The following ATP8B4 variants were observed in gnomAD, a reference collection of about 807,000 sequenced individuals.
ATP8B4 encodes the protein ATPase phospholipid transporting 8B4 (putative), also known as probable phospholipid-transporting ATPase IM.
ATP8B4 carries 133 observed loss-of-function variants against 145.6 expected under a neutral mutation model. That is an observed-to-expected ratio of 0.91 (90% confidence interval 0.79 to 1.05). The LOEUF (loss-of-function observed/expected upper bound fraction) is 1.05. Among genes scored for constraint, ATP8B4 ranks in the 50% least tolerant of loss-of-function variants. ATP8B4 has a pLI of 0.00. For synonymous variants in ATP8B4, 507 were observed against 492.9 expected (o/e 1.03, Z -0.38); for missense variants, 1,458 against 1,425.2 (o/e 1.02, Z -0.37).
At chr15:49,987,736 A>G (rs1262550649) in intron 9 of ATP8B4, among the ~76,000 whole-genome samples, 187 bp from the exon 10 acceptor site, 3 of 152,168 alleles carry the variant, frequency 2.0e-5, no homozygotes, top group Non-Finnish European at 1.5e-5. Flanking sequence ...ATTTTGAAAC[A>G]CAGTTTTCTG....
At chr15:50,037,649 G>A (rs933870566) in intron 6 of ATP8B4, among the ~76,000 whole-genome samples, 5 of 152,092 alleles carry the variant, frequency 3.3e-5, no homozygotes, top group East Asian at 1.9e-4. Context: ...ATATTGTGGC[G>A]GCAATGATTC....
At chr15:50,080,836 G>A (rs561375168) in intron 2 of ATP8B4, among the ~76,000 whole-genome samples, 5 of 152,174 alleles carry the variant, frequency 3.3e-5, no homozygotes, top group South Asian at 4.1e-4. Context: ...CTCATGGGCC[G>A]GGCGCAGTGG....
In ATP8B4 at chr15:49,931,178, G is replaced by A; in HGVS notation, c.1583C>T (p.Thr528Ile). 1 of 1,612,528 alleles carries A rather than the reference G, an allele frequency of 6.2e-7. No individual in the cohort carries two copies. Among genetic ancestry groups the A allele is most frequent in the Non-Finnish European group, 8.5e-7 (1 of 1,179,024 alleles). Reference protein sequence around the residue: ...ITIEELGTLVTYQLLAFLDFN... With the variant: ...ITIEELGTLVIYQLLAFLDFN... ...ATCCAAAAAGGCAAGTAATTGATAA[G>A]TAACTAGTGTTCCCAATTCTTCTAT... The change falls in exon 16 of 28, where the codon ACT becomes ATT. Residue 528 changes from threonine (T) to isoleucine (I), a missense_variant. Coordinates refer to ENST00000284509, the MANE Select transcript of ATP8B4 (RefSeq NM_024837.4).
intron 1 of ATP8B4, among the ~76,000 whole-genome samples, chr15:50,161,103 AT>A (rs1278597705): frequency 6.6e-6 from 1 of 151,928 alleles, no homozygotes; most frequent in Non-Finnish European, 1.5e-5. Flanking sequence ...TTCTGAATTG[AT>A]CCCTTTATCT....
At chr15:50,073,631 T>C (rs2053992813) in intron 3 of ATP8B4, among the ~76,000 whole-genome samples, 1 of 152,210 alleles carries the variant, frequency 6.6e-6, no homozygotes, top group African/African-American at 2.4e-5. Flanking sequence ...GGTCAAATAG[T>C]ATTTCTGGTT....
intron 1 of ATP8B4, among the ~76,000 whole-genome samples, chr15:50,108,981 C>CT (rs1249988856): frequency 2.0e-5 from 3 of 152,076 alleles, no homozygotes; most frequent in African/African-American, 2.4e-5. Context: ...AGACACTTTC[C>CT]TTTTAGCAAC....
At chr15:49,967,572 GA>G (rs1247024268) in intron 13 of ATP8B4, among the ~76,000 whole-genome samples, 3 of 152,098 alleles carry the variant, frequency 2.0e-5, no homozygotes, top group Non-Finnish European at 4.4e-5. Context: ...AAAGATTAGA[GA>G]AAAAAGAATG....
intron 20 of ATP8B4, among the ~76,000 whole-genome samples, chr15:49,907,001 C>T (rs906335122): frequency 3.3e-5 from 5 of 152,104 alleles, no homozygotes; most frequent in African/African-American, 1.2e-4. Flanking sequence ...TATAAGAACA[C>T]AAGTCATCTT....
At chr15:49,864,628 G>A (rs933605646) in intron 26 of ATP8B4, among the ~76,000 whole-genome samples, 3 of 152,096 alleles carry the variant, frequency 2.0e-5, no homozygotes, top group Non-Finnish European at 2.9e-5. Context: ...ATAGACCAGA[G>A]GTATACTCTT....
intron 1 of ATP8B4, among the ~76,000 whole-genome samples, chr15:50,116,580 T>C (rs2057165913): frequency 6.6e-6 from 1 of 152,050 alleles, no homozygotes. Context: ...CAAGGGGGAA[T>C]GAATGACCTC....
chr15:50,124,617 A>C (rs1288022827), intron 1 of ATP8B4, among the ~76,000 whole-genome samples: 1 of 152,172 alleles, frequency 6.6e-6, no homozygotes, highest in Non-Finnish European at 1.5e-5. Flanking sequence ...AAAAGAAAAA[A>C]AAAGATACCT....
At chr15:49,862,551 C>A (rs567414709) in intron 26 of ATP8B4, among the ~76,000 whole-genome samples, 176 bp from the exon 27 acceptor site, 124 of 151,880 alleles carry the variant, frequency 8.2e-4, no homozygotes, top group African/African-American at 2.6e-3. Flanking sequence ...CTGCCTCCTG[C>A]GTTCATGCCA....
At chr15:49,900,952 A>T (rs2037955371) in intron 21 of ATP8B4, 140 bp downstream of exon 21, 1 of 1,111,376 alleles carries the variant, frequency 9.0e-7, no homozygotes, top group Admixed American at 2.7e-5. Context: ...CCCTTTGCAA[A>T]CAGGAAATCA....
chr15:50,131,731 T>C (rs1168851704), intron 1 of ATP8B4, among the ~76,000 whole-genome samples: 3 of 146,314 alleles, frequency 2.1e-5, no homozygotes, highest in African/African-American at 7.4e-5. Context: ...ACAATATTTA[T>C]ATATTATTAT....
At chr15:49,877,298 A>C (rs62020397) in intron 24 of ATP8B4, among the ~76,000 whole-genome samples, 55,266 of 152,016 alleles carry the variant, frequency 0.36, 10,271 homozygotes, top group Middle Eastern at 0.46. Context: ...GCCAGCTCCA[A>C]AGTAATGCTG....
At chr15:50,108,404 T>G (rs1009102405) in intron 1 of ATP8B4, among the ~76,000 whole-genome samples, 14 of 152,130 alleles carry the variant, frequency 9.2e-5, no homozygotes, top group Non-Finnish European at 1.8e-4. Context: ...CAAACACCTC[T>G]TGTTGGCCTC....
intron 14 of ATP8B4, among the ~76,000 whole-genome samples, chr15:49,956,602 C>T (rs1234428606): frequency 2.0e-5 from 3 of 152,222 alleles, no homozygotes; most frequent in Non-Finnish European, 4.4e-5. Flanking sequence ...AATGCAGTGG[C>T]GAGATCATGG....
chr15:49,926,997 G>C (rs145077119), intron 16 of ATP8B4, among the ~76,000 whole-genome samples: 1 of 152,110 alleles, frequency 6.6e-6, no homozygotes, highest in Non-Finnish European at 1.5e-5. Context: ...CTTCCAAGAA[G>C]CTTCTTGTAA....
chr15:50,162,352 A>G (rs2044532913), intron 1 of ATP8B4, among the ~76,000 whole-genome samples: 1 of 151,112 alleles, frequency 6.6e-6, no homozygotes, highest in South Asian at 2.1e-4. Flanking sequence ...CTTATACTTT[A>G]TTAATATATT....
Sources: gnomAD v4.1 joint callset for allele counts (sites outside exome capture counted in the v4.1 genomes callset) on GRCh38, gnomAD v4.1.1 for gene constraint, MANE v1.5 for transcripts, NCBI Gene and HGNC (gene_info 2026-07-23, HGNC 2026-07-21) for gene names.